The following ITM2C variants were observed in gnomAD, a reference collection of about 807,000 sequenced individuals.
The protein encoded by ITM2C is BRICHOS domain containing 2C.
In ITM2C, 20 loss-of-function variants were observed where a neutral mutation model predicts 30.0. The observed-to-expected ratio is 0.67, with a 90% CI of 0.47 to 0.97. The LOEUF is 0.97. Ranked by LOEUF, ITM2C falls within the 50% of genes least tolerant of loss-of-function variation. ITM2C has a pLI of 0.00. For missense variants in ITM2C, 366 were observed against 371.9 expected (o/e 0.98, Z 0.13); for synonymous variants, 167 against 156.4 (o/e 1.07, Z -0.51).
upstream of ITM2C, chr2:230,864,865 C>A: frequency 1.1e-6 from 1 of 934,222 alleles, no homozygotes; most frequent in Non-Finnish European, 1.4e-6. This position sits in a 1 kb window ranked among gnomAD's most constrained non-coding sequence, Gnocchi z 4.3. Context: ...GCGCCGGGGC[C>A]CTCCCGCGGG....
At chr2:230,864,888 A>T (rs1002283080), upstream of ITM2C, 1 of 1,050,320 alleles carries the variant, frequency 9.5e-7, no homozygotes, top group African/African-American at 1.7e-5. The surrounding 1 kb of genome is among the most constrained non-coding windows in gnomAD (Gnocchi z 4.3). Context: ...CGGGGCGGGG[A>T]GGGCTGGGGG....
In ITM2C at chr2:230,876,987, G is replaced by T. The variant is rs557712566; in HGVS notation, c.561+20G>T. ...GTGAAGGTGCGCAGGGGGTTGGGGG[G>T]ATGTCTGCAGCATCCTGTCCCTCCC... On this transcript the variant is annotated intron_variant, in intron 4 of 5. Transcript: ENST00000326427. 4.0e-6 allele frequency: 6 copies of T among 1,493,712 alleles called. No individual in the cohort carries two copies. Among genetic ancestry groups the T allele is most frequent in the East Asian group, 2.3e-5 (1 of 44,324 alleles). The allele number at this position is 1,493,712 out of a possible 1,614,324, so 92.5% of individuals were successfully genotyped here.
Position 230,876,879 on chromosome 2 carries a change from T to C in ITM2C, c.473T>C (p.Ile158Thr). 6.2e-7 allele frequency: 1 copy of C among 1,613,706 alleles called. No homozygotes were observed. Among genetic ancestry groups the C allele is most frequent in the Non-Finnish European group, 8.5e-7 (1 of 1,179,712 alleles). ...FQRGLTAYHD[I>T]SLDKCYVIEL... ...CAGGGTCTGACTGCGTACCATGATA[T>C]CTCCCTGGACAAGTGCTATGTCATC... Residue 158 changes from isoleucine to threonine, a missense_variant, in exon 4 of 6, where the codon ATC (isoleucine) becomes ACC (threonine). Ile to Thr is a moderately conservative substitution (Grantham distance 89). Transcript: ENST00000326427.
rs1697328033 is a variant in ITM2C, at chr2:230,877,301, A to AG, written c.562-95dup. The AG allele has an allele frequency of 1.5e-5, 19 of 1,277,280 alleles. No homozygotes were observed. In the South Asian group the frequency reaches 2.4e-4, roughly 16 times the overall value. 79.1% of individuals were successfully genotyped at this position (1,277,280 alleles called of 1,614,324 possible). A position where few individuals can be genotyped will look rare whatever the true frequency, so the allele number is the denominator to read the frequency against. On this transcript the variant is annotated intron_variant, in intron 4 of 5. Coordinates refer to ENST00000326427, the MANE Select transcript of ITM2C (RefSeq NM_030926.6). This position sits in a 1 kb window ranked among gnomAD's most constrained non-coding sequence, Gnocchi z 4.8. ...CTGAGGACATCAGAAGGGCCAGCCC[A>AG]GGGGCCTCTGGAGGAGGGAGGTGGG...
chr2:230,864,301 C>T (rs1696969298), upstream of ITM2C, among the ~76,000 whole-genome samples: 1 of 152,180 alleles, frequency 6.6e-6, no homozygotes. The surrounding 1 kb of genome is among the most constrained non-coding windows in gnomAD (Gnocchi z 4.3). Context: ...CCCTTCTCCA[C>T]TCCAGGCGGC....
chr2:230,872,091 A>G (rs566178353), intron 1 of ITM2C, among the ~76,000 whole-genome samples: 1 of 152,340 alleles, frequency 6.6e-6, no homozygotes, highest in Admixed American at 6.5e-5. Flanking sequence ...TGACCTGCTC[A>G]TTTTGCAGAT....
Position 230,877,352 on chromosome 2 carries a change from C to T in ITM2C, c.562-48C>T, listed in dbSNP as rs751759194. On this transcript the variant is annotated intron_variant, in intron 4 of 5. Transcript: ENST00000326427. This position sits in a 1 kb window ranked among gnomAD's most constrained non-coding sequence, Gnocchi z 4.8. ...CTGGCATTTCGGGCGAGGGGTTGGA[C>T]GAAAGCCTGAGGGGCCGACTCACTG... The T allele has an allele frequency of 6.2e-6, 10 of 1,600,088 alleles. No homozygotes were observed. The highest frequency in any genetic ancestry group is 1.7e-5 in the Admixed American group (1 of 59,572).
intron 1 of ITM2C, among the ~76,000 whole-genome samples, chr2:230,869,328 G>A (rs143072952): frequency 5.0e-4 from 76 of 152,318 alleles, no homozygotes; most frequent in Non-Finnish European, 1.0e-3. Context: ...GGGGACCCCT[G>A]ACCCTGTTGG....
intron 1 of ITM2C, among the ~76,000 whole-genome samples, chr2:230,867,091 C>A (rs577835233): frequency 6.6e-6 from 1 of 152,310 alleles, no homozygotes; most frequent in African/African-American, 2.4e-5. Context: ...CTTGAGCCTG[C>A]TGAGTACCTC....
rs755900057 is a variant in ITM2C, at chr2:230,875,662, G to A, written c.304G>A (p.Asp102Asn). The A allele has an allele frequency of 3.1e-6, 5 of 1,613,062 alleles. No homozygotes were observed. Among genetic ancestry groups the A allele is most frequent in the Non-Finnish European group, 4.2e-6 (5 of 1,179,506 alleles). The change falls in exon 3 of 6, where the codon GAC (aspartate) becomes AAC (asparagine). Residue 102 changes from aspartate to asparagine, a missense_variant. Physicochemically the swap from Asp to Asn is conservative, Grantham distance 23 (BLOSUM62 1). Coordinates refer to ENST00000326427, the MANE Select transcript of ITM2C (RefSeq NM_030926.6). The part of the protein sequence containing the change: ...NFFRCGVLYE[D>N]SLSSQVRTQM... ...CTTCCGCTGTGGTGTGCTGTATGAGGACTCCCTGTCCTCCCAGGTCCGGAC... is the reference window on the plus strand; with the variant it reads ...CTTCCGCTGTGGTGTGCTGTATGAGAACTCCCTGTCCTCCCAGGTCCGGAC...
In ITM2C at chr2:230,877,375, C is replaced by T. The variant is rs1446816396; in HGVS notation, c.562-25C>T. ...GACGAAAGCCTGAGGGGCCGACTCA[C>T]TGTGGCGGCCACCTTGTTTTGCAGA... On this transcript the variant is annotated intron_variant, in intron 4 of 5. Coordinates refer to ENST00000326427, the MANE Select transcript of ITM2C (RefSeq NM_030926.6). The surrounding 1 kb of genome is among the most constrained non-coding windows in gnomAD (Gnocchi z 4.8). The T allele has an allele frequency of 2.5e-6, 4 of 1,610,248 alleles. No individual in the cohort carries two copies. Among genetic ancestry groups the T allele is most frequent in the Non-Finnish European group, 3.4e-6 (4 of 1,177,612 alleles).
chr2:230,869,212 G>A (rs573393278), intron 1 of ITM2C, among the ~76,000 whole-genome samples: 10 of 152,208 alleles, frequency 6.6e-5, no homozygotes, highest in Non-Finnish European at 2.9e-5. Context: ...GACTATCAGG[G>A]ATGGAAGAGA....
chr2:230,876,981 T>TG lies in ITM2C; in HGVS notation c.561+20dup. 6.5e-7 allele frequency: 1 copy of TG among 1,550,074 alleles called. No homozygotes were observed. On this transcript the variant is annotated intron_variant, in intron 4 of 5. Coordinates refer to ENST00000326427, the MANE Select transcript of ITM2C (RefSeq NM_030926.6). ...ATGAACGTGAAGGTGCGCAGGGGGTTGGGGGGATGTCTGCAGCATCCTGTC... is the reference window on the plus strand; with the variant it reads ...ATGAACGTGAAGGTGCGCAGGGGGTTGGGGGGGATGTCTGCAGCATCCTGTC...
Position 230,875,683 on chromosome 2 carries a change from C to T in ITM2C, c.325C>T (p.Arg109Trp), listed in dbSNP as rs748800653. 9.9e-6 allele frequency: 16 copies of T among 1,613,818 alleles called. No individual in the cohort carries two copies. Among genetic ancestry groups the T allele is most frequent in the East Asian group, 2.2e-5 (1 of 44,888 alleles). The change falls in exon 3 of 6, where the codon CGG (arginine) becomes TGG (tryptophan). Residue 109 changes from arginine (R) to tryptophan (W), a missense_variant. Coordinates refer to ENST00000326427, the MANE Select transcript of ITM2C (RefSeq NM_030926.6). ...TGAGGACTCCCTGTCCTCCCAGGTC[C>T]GGACTCAGATGGAGCTGGAAGAGGA... The part of the protein sequence containing the change: ...LYEDSLSSQV[R>W]TQMELEEDVK...
At position 230,875,775 on chromosome 2, in the gene ITM2C, T is replaced by C. The variant is rs1697279899; in HGVS notation, c.417T>C (p.Gly139=). ...TGCCTGTGCCCCAGTTTGGCGGCGG[T>C]GACCCTGCAGACATCATCCATGACT... The part of the protein sequence containing the change: ...INVPVPQFGG[G]DPADIIHDFQ... The change falls in exon 3 of 6, where the codon GGT becomes GGC. Residue 139 remains glycine (G), a synonymous_variant. Coordinates refer to ENST00000326427, the MANE Select transcript of ITM2C (RefSeq NM_030926.6). 1.0e-5 allele frequency: 15 copies of C among 1,469,598 alleles called. No individual in the cohort carries two copies. The highest frequency in any genetic ancestry group is 1.4e-5 in the Non-Finnish European group (15 of 1,093,392). 91.0% of individuals were successfully genotyped at this position (1,469,598 alleles called of 1,614,324 possible).
intron 1 of ITM2C, among the ~76,000 whole-genome samples, chr2:230,870,703 C>G (rs1310958731): frequency 6.6e-6 from 1 of 152,230 alleles, no homozygotes. Context: ...AGCCCCTCCC[C>G]CAGGACAGGG....
At chr2:230,873,103 T>C in intron 1 of ITM2C, 1 of 290,506 alleles carries the variant, frequency 3.4e-6, no homozygotes, top group East Asian at 6.2e-5. Flanking sequence ...GCAAGAGGCC[T>C]AAGAGCTCAG....
At chr2:230,870,219 G>T (rs754121208) in intron 1 of ITM2C, among the ~76,000 whole-genome samples, 3 of 152,246 alleles carry the variant, frequency 2.0e-5, no homozygotes, top group Non-Finnish European at 4.4e-5. Context: ...CAGGGCTTTG[G>T]TGTTTGAGCC....
chr2:230,876,985 G>A lies in ITM2C; in HGVS notation c.561+18G>A, dbSNP rs746364321. The A allele has an allele frequency of 6.5e-7, 1 of 1,530,382 alleles. No homozygotes were observed. The highest frequency in any genetic ancestry group is 2.2e-5 in the East Asian group (1 of 44,486). The allele number at this position is 1,530,382 out of a possible 1,614,324, so 94.8% of individuals were successfully genotyped here. A position where few individuals can be genotyped will look rare whatever the true frequency, so the allele number is the denominator to read the frequency against. On this transcript the variant is annotated intron_variant, in intron 4 of 5. Transcript: ENST00000326427. ...ACGTGAAGGTGCGCAGGGGGTTGGG[G>A]GGATGTCTGCAGCATCCTGTCCCTC...
Sources: allele counts gnomAD v4.1 joint callset (sites outside exome capture counted in the v4.1 genomes callset), GRCh38; gene constraint gnomAD v4.1.1; non-coding constraint Gnocchi (gnomAD v3.1); transcripts MANE v1.5; gene names NCBI Gene and HGNC (gene_info 2026-07-23, HGNC 2026-07-21).